The following KLHL1 variants were observed in gnomAD, a reference collection of about 807,000 sequenced individuals.
The protein encoded by KLHL1 is kelch-like protein 1.
A neutral mutation model predicts 77.7 loss-of-function variants in KLHL1; 47 were observed. That is an observed-to-expected ratio of 0.60 (90% CI 0.48 to 0.77). The LOEUF (loss-of-function observed/expected upper bound fraction) is 0.77, where lower values mean the gene tolerates loss of function less well. Ranked by LOEUF, KLHL1 falls within the 30% of genes least tolerant of loss-of-function variation. KLHL1 has a pLI of 0.00. For synonymous variants in KLHL1, 360 were observed against 325.2 expected, an observed-to-expected ratio of 1.11 and a Z score of -1.15; for missense variants, 925 against 910.8, an observed-to-expected ratio of 1.02 and a Z score of -0.20.
intron 1 of KLHL1, among the ~76,000 whole-genome samples, chr13:69,983,412 A>G (rs1884769422): frequency 6.6e-6 from 1 of 151,998 alleles, no homozygotes; most frequent in Non-Finnish European, 1.5e-5. Flanking sequence ...TGAGTAAAAA[A>G]GTAAACTAGC....
intron 1 of KLHL1, among the ~76,000 whole-genome samples, chr13:69,987,607 T>TGGAA (rs1217940794): frequency 6.6e-6 from 1 of 151,802 alleles, no homozygotes; most frequent in African/African-American, 2.4e-5. Flanking sequence ...TAAAGAAGGT[T>TGGAA]GGAAGGAAGG....
chr13:69,719,130 T>C (rs1489399886), intron 9 of KLHL1, among the ~76,000 whole-genome samples: 3 of 151,734 alleles, frequency 2.0e-5, no homozygotes, highest in Non-Finnish European at 2.9e-5. Flanking sequence ...TAAATAAATA[T>C]TAGTTGAAGG....
intron 9 of KLHL1, among the ~76,000 whole-genome samples, chr13:69,716,880 C>T (rs1353196580): frequency 1.3e-5 from 2 of 152,160 alleles, no homozygotes; most frequent in East Asian, 3.8e-4. Flanking sequence ...ATGACATCTT[C>T]TGGACCTAAT....
intron 1 of KLHL1, among the ~76,000 whole-genome samples, chr13:70,061,446 G>A (rs1248833287): frequency 2.0e-5 from 3 of 151,824 alleles, no homozygotes; most frequent in East Asian, 3.9e-4. Context: ...TACATAAACA[G>A]TATATTAATC....
chr13:69,745,390 T>G (rs186794032), intron 7 of KLHL1, among the ~76,000 whole-genome samples: 2 of 152,186 alleles, frequency 1.3e-5, no homozygotes, highest in East Asian at 3.9e-4. Context: ...TTTTAAAAAG[T>G]ATACTTATTA....
At chr13:69,706,386 G>C (rs1875626708) in intron 10 of KLHL1, among the ~76,000 whole-genome samples, 1 of 151,822 alleles carries the variant, frequency 6.6e-6, no homozygotes, top group Non-Finnish European at 1.5e-5. Context: ...ATTTGGTTTT[G>C]TACTCCGAAG....
At chr13:69,922,459 A>AT (rs1713780743) in intron 4 of KLHL1, among the ~76,000 whole-genome samples, 1 of 151,940 alleles carries the variant, frequency 6.6e-6, no homozygotes, top group African/African-American at 2.4e-5. Context: ...CGAGTTTATA[A>AT]AAAGACTGTT....
At chr13:69,972,024 A>G (rs1256734773) in intron 2 of KLHL1, among the ~76,000 whole-genome samples, 1 of 152,012 alleles carries the variant, frequency 6.6e-6, no homozygotes, top group Non-Finnish European at 1.5e-5. Context: ...CTACAGAGAT[A>G]TTTTAAACTA....
intron 5 of KLHL1, among the ~76,000 whole-genome samples, chr13:69,879,269 G>T (rs1481979227): frequency 1.3e-5 from 2 of 151,954 alleles, no homozygotes; most frequent in Non-Finnish European, 2.9e-5. Context: ...TTGATTCATG[G>T]TACTTTTAAC....
chr13:69,921,272 G>T (rs775907609), intron 4 of KLHL1, among the ~76,000 whole-genome samples: 1 of 152,184 alleles, frequency 6.6e-6, no homozygotes, highest in Non-Finnish European at 1.5e-5. Context: ...CATTTATAAT[G>T]AATGTCTCTT....
intron 7 of KLHL1, among the ~76,000 whole-genome samples, chr13:69,779,125 G>A (rs1039873311): frequency 7.3e-5 from 11 of 151,662 alleles, no homozygotes; most frequent in African/African-American, 2.2e-4. Flanking sequence ...CTTCTTTTCC[G>A]CAACACCTGA....
chr13:70,005,007 T>C (rs1056660299), intron 1 of KLHL1, among the ~76,000 whole-genome samples: 1 of 151,798 alleles, frequency 6.6e-6, no homozygotes, highest in African/African-American at 2.4e-5. Context: ...GTCATAATTG[T>C]AACGTAAGTC....
At chr13:69,769,113 G>A (rs1350394449) in intron 7 of KLHL1, among the ~76,000 whole-genome samples, 2 of 152,136 alleles carry the variant, frequency 1.3e-5, no homozygotes, top group African/African-American at 4.8e-5. Flanking sequence ...TATGTACCAG[G>A]AGTACAGAGG....
intron 9 of KLHL1, among the ~76,000 whole-genome samples, chr13:69,711,256 TAAAGA>T (rs1407151127): frequency 6.6e-6 from 1 of 151,938 alleles, no homozygotes; most frequent in Non-Finnish European, 1.5e-5. Flanking sequence ...AATTAAACAA[TAAAGA>T]AGTGATTTAT....
At chr13:70,015,672 G>T (rs1365678856) in intron 1 of KLHL1, among the ~76,000 whole-genome samples, 1 of 152,164 alleles carries the variant, frequency 6.6e-6, no homozygotes, top group Non-Finnish European at 1.5e-5. Context: ...CCCAACTGTA[G>T]GGTGATGTAA....
intron 5 of KLHL1, among the ~76,000 whole-genome samples, chr13:69,845,407 C>A (rs1381337337): frequency 1.3e-5 from 2 of 151,602 alleles, no homozygotes; most frequent in African/African-American, 4.8e-5. Context: ...AACTTACCCA[C>A]TTTGTCATTC....
intron 3 of KLHL1, among the ~76,000 whole-genome samples, chr13:69,953,771 C>A (rs1313688145): frequency 6.6e-6 from 1 of 151,024 alleles, no homozygotes; most frequent in African/African-American, 2.4e-5. Flanking sequence ...AAATTGGACT[C>A]AAAATTAATA....
At chr13:70,033,609 T>C (rs1215524109) in intron 1 of KLHL1, among the ~76,000 whole-genome samples, 2 of 41,154 alleles carry the variant, frequency 4.9e-5, no homozygotes, top group African/African-American at 2.2e-4. Context: ...ACTGGCTTTT[T>C]TTTTTTTTTT....
chr13:69,816,003 A>C (rs1878105246), intron 6 of KLHL1, among the ~76,000 whole-genome samples: 1 of 152,020 alleles, frequency 6.6e-6, no homozygotes, highest in Non-Finnish European at 1.5e-5. Context: ...CAAGAGGAAA[A>C]ATAGAAACCT....
Sources: allele counts gnomAD v4.1 joint callset (sites outside exome capture counted in the v4.1 genomes callset), GRCh38; gene constraint gnomAD v4.1.1; transcripts MANE v1.5; gene names NCBI Gene and HGNC (gene_info 2026-07-23, HGNC 2026-07-21).